The following CEMIP variants were observed in gnomAD, a reference collection of about 807,000 sequenced individuals.
CEMIP encodes the protein cell migration-inducing and hyaluronan-binding protein.
A neutral mutation model predicts 156.9 loss-of-function variants in CEMIP; 105 were observed. The observed-to-expected ratio is 0.67, with a 90% CI of 0.57 to 0.79. The LOEUF is 0.79. CEMIP is among the 30% of genes least tolerant of loss of function. The probability of loss-of-function intolerance (pLI) is 0.00; values close to 1 mark genes in which losing one functional copy is unlikely to be tolerated. For synonymous variants in CEMIP, 676 were observed against 668.4 expected, an observed-to-expected ratio of 1.01 and a Z score of -0.17; for missense variants, 1,457 against 1,769.4, an observed-to-expected ratio of 0.82 and a Z score of 3.17.
intron 17 of CEMIP, 64 bp from the exon 18 acceptor site, chr15:80,924,557 T>A: frequency 7.1e-7 from 1 of 1,417,704 alleles, no homozygotes; most frequent in South Asian, 1.2e-5. Flanking sequence ...TGAGGCTGAC[T>A]GTGAGACGAT....
intron 1 of CEMIP, among the ~76,000 whole-genome samples, chr15:80,851,169 G>A (rs2141736294): frequency 6.6e-6 from 1 of 152,082 alleles, no homozygotes; most frequent in South Asian, 2.1e-4. Flanking sequence ...GAGGGGGAGG[G>A]GCAGGGCATA....
chr15:80,816,622 T>G (rs1170481068), intron 1 of CEMIP, among the ~76,000 whole-genome samples: 1 of 152,136 alleles, frequency 6.6e-6, no homozygotes, highest in Non-Finnish European at 1.5e-5. Context: ...GATTGAATCA[T>G]CTCCACTGAA....
In CEMIP at chr15:80,906,367, C is replaced by T. The variant is rs1374470627; in HGVS notation, c.1412-296C>T. On this transcript the variant is annotated intron_variant, in intron 12 of 29. Transcript: ENST00000394685. The surrounding 1 kb of genome is among the most constrained non-coding windows in gnomAD (Gnocchi z 4.3). ...TCATTCCCTTGGGTGGCCCTGTGTC[C>T]AGCTAAAATGCAGGAGTCTAGGACT... Among the ~76,000 whole-genome samples the T allele has an allele frequency of 6.6e-6, 1 of 152,178 alleles. No individual in the cohort carries two copies. The highest frequency in any genetic ancestry group is 1.5e-5 in the Non-Finnish European group (1 of 68,038).
chr15:80,902,146 C>T (rs17248736), intron 12 of CEMIP, among the ~76,000 whole-genome samples: 1 of 152,034 alleles, frequency 6.6e-6, no homozygotes, highest in South Asian at 2.1e-4. Context: ...TTCTCTTGAC[C>T]CTGGGGTACC....
chr15:80,851,794 T>C (rs959644893), intron 1 of CEMIP, among the ~76,000 whole-genome samples: 4 of 151,742 alleles, frequency 2.6e-5, no homozygotes, highest in African/African-American at 4.8e-5. Context: ...TGAGGTTGAG[T>C]AGATATCTAG....
rs34172431 is a variant in CEMIP at position 80,839,289 on chromosome 15, AGTGTGTGT to A, written c.-175-34214_-175-34207del. On this transcript the variant is annotated intron_variant, in intron 1 of 29. Coordinates refer to ENST00000394685, the MANE Select transcript of CEMIP (RefSeq NM_001293298.2). The stretch of plus-strand genomic sequence containing the variant: ...TGAAGGCTGTGGAGTCAAGGCCGTG[AGTGTGTGT>A]GTGTGTGTGTGTGTGTGTGTGTGTG... Among the ~76,000 whole-genome samples, 173 of 131,186 alleles carry A rather than the reference AGTGTGTGT, an allele frequency of 1.3e-3. 1 individual carries two copies. The highest frequency in any genetic ancestry group is 2.1e-3 in the East Asian group (9 of 4,208). 86.1% of individuals were successfully genotyped at this position (131,186 alleles called of 152,430 possible). A position where few individuals can be genotyped will look rare whatever the true frequency, so the allele number is the denominator to read the frequency against.
intron 1 of CEMIP, among the ~76,000 whole-genome samples, chr15:80,853,903 T>C (rs1206235096): frequency 6.6e-6 from 1 of 152,262 alleles, no homozygotes; most frequent in Non-Finnish European, 1.5e-5. Flanking sequence ...TTTGAACCTT[T>C]GTTATGGGAC....
At chr15:80,885,390 G>T (rs1401691332) in intron 7 of CEMIP, among the ~76,000 whole-genome samples, 1 of 152,172 alleles carries the variant, frequency 6.6e-6, no homozygotes, top group Non-Finnish European at 1.5e-5. Context: ...TCTTCTGGAC[G>T]GGAAACTCAA....
chr15:80,873,624 A>G lies in CEMIP; in HGVS notation c.-89A>G. On this transcript the variant is annotated 5_prime_UTR_variant, in exon 2 of 30. Transcript: ENST00000394685. ...ACTCGGTCTCTGAGCTGCAGGACAC[A>G]GGCAGGACAACGGTAGGATTTTCAT... 1 of 509,120 alleles carries G rather than the reference A, an allele frequency of 2.0e-6. No homozygotes were observed. The highest frequency in any genetic ancestry group is 3.6e-6 in the Non-Finnish European group (1 of 277,708). 31.5% of individuals were successfully genotyped at this position (509,120 alleles called of 1,614,324 possible).
intron 1 of CEMIP, among the ~76,000 whole-genome samples, chr15:80,840,757 C>A (rs1897391768): frequency 6.6e-6 from 1 of 152,156 alleles, no homozygotes; most frequent in Admixed American, 6.5e-5. Flanking sequence ...CCACTGCCGC[C>A]TGAGAGGGAG....
At chr15:80,915,256 G>A (rs1360040405) in intron 14 of CEMIP, among the ~76,000 whole-genome samples, 1 of 152,194 alleles carries the variant, frequency 6.6e-6, no homozygotes, top group Non-Finnish European at 1.5e-5. Flanking sequence ...TGCGTAAGAC[G>A]GGGGTTTGTT....
chr15:80,921,007 T>C lies in CEMIP; in HGVS notation c.2004-25T>C, dbSNP rs747266527. 1.9e-6 allele frequency: 3 copies of C among 1,611,532 alleles called. No individual in the cohort carries two copies. In the Admixed American group the frequency reaches 5.0e-5, roughly 27 times the overall value. On this transcript the variant is annotated intron_variant, in intron 15 of 29. Coordinates refer to ENST00000394685, the MANE Select transcript of CEMIP (RefSeq NM_001293298.2). ...ACCCCTGGCGGCCCTTTATCTGATC[T>C]CAGGTATCTCTGCCCTCCCTGCAGT... is the stretch of plus-strand genomic sequence containing the variant.
intron 1 of CEMIP, among the ~76,000 whole-genome samples, chr15:80,848,365 T>C (rs1429640348): frequency 2.0e-5 from 3 of 152,214 alleles, no homozygotes; most frequent in Non-Finnish European, 2.9e-5. Flanking sequence ...CAACTGTTCC[T>C]GTTCCATGCT....
chr15:80,798,668 G>A (rs1329807903), intron 1 of CEMIP, among the ~76,000 whole-genome samples: 1 of 152,134 alleles, frequency 6.6e-6, no homozygotes, highest in Non-Finnish European at 1.5e-5. Context: ...TTGGAATTAT[G>A]TATTCATATC....
At position 80,878,835 on chromosome 15, in the gene CEMIP, C is replaced by T; in HGVS notation, c.209C>T (p.Ala70Val). 6.2e-7 allele frequency: 1 copy of T among 1,614,214 alleles called. No homozygotes were observed. Among genetic ancestry groups the T allele is most frequent in the South Asian group, 1.1e-5 (1 of 91,088 alleles). The change falls in exon 4 of 30, where the codon GCC becomes GTC. Residue 70 changes from alanine to valine, a missense_variant. Ala to Val is a moderately conservative substitution (Grantham distance 64). Around this residue, in one of 5 missense-constraint regions of CEMIP, gnomAD observed 309 missense variants for 340.8 expected, o/e 0.91. Coordinates refer to ENST00000394685, the MANE Select transcript of CEMIP (RefSeq NM_001293298.2). ...AAGACACTGCTGCTCACCTCTTCTG[C>T]CACGGTCTATTCCATCCACATCTCA... ...QGKTLLLTSSATVYSIHISEG... is the reference protein window; with the variant it reads ...QGKTLLLTSSVTVYSIHISEG...
At chr15:80,802,815 A>C (rs1256932153) in intron 1 of CEMIP, among the ~76,000 whole-genome samples, 1 of 152,174 alleles carries the variant, frequency 6.6e-6, no homozygotes, top group Non-Finnish European at 1.5e-5. Flanking sequence ...CTAGCAACTT[A>C]ACTTCTCCAG....
Position 80,906,202 on chromosome 15 carries a change from C to T in CEMIP, c.1412-461C>T, listed in dbSNP as rs1300420546. Among the ~76,000 whole-genome samples the T allele has an allele frequency of 6.6e-6, 1 of 152,214 alleles. No homozygotes were observed. Among genetic ancestry groups the T allele is most frequent in the Non-Finnish European group, 1.5e-5 (1 of 68,036 alleles). On this transcript the variant is annotated intron_variant, in intron 12 of 29. Coordinates refer to ENST00000394685, the MANE Select transcript of CEMIP (RefSeq NM_001293298.2). The surrounding 1 kb of genome is among the most constrained non-coding windows in gnomAD (Gnocchi z 4.3). ...CTTCTCTCCCGTTGCTCTGCCATCT[C>T]TGGGGCATGGTGCTCACCTGCATGG... is the stretch of plus-strand genomic sequence containing the variant.
chr15:80,882,469 G>A (rs898121256), intron 6 of CEMIP, among the ~76,000 whole-genome samples: 1 of 152,166 alleles, frequency 6.6e-6, no homozygotes, highest in Non-Finnish European at 1.5e-5. Flanking sequence ...TTGACACAAA[G>A]TATGTCAGGG....
intron 19 of CEMIP, among the ~76,000 whole-genome samples, chr15:80,926,834 T>A (rs1161861959): frequency 2.0e-4 from 24 of 122,628 alleles, no homozygotes; most frequent in Non-Finnish European, 1.6e-5. Flanking sequence ...GGGGGGGGTC[T>A]TCTTTTTTTT....
Sources: gnomAD v4.1 joint callset for allele counts (sites outside exome capture counted in the v4.1 genomes callset) on GRCh38, gnomAD v4.1.1 for gene constraint, gnomAD v4.1.1 regional missense constraint, Gnocchi (gnomAD v3.1) non-coding constraint, MANE v1.5 for transcripts, NCBI Gene and HGNC (gene_info 2026-07-23, HGNC 2026-07-21) for gene names.